SAMD4A: variants seen among roughly 807,000 people sequenced by gnomAD.
The protein encoded by SAMD4A is protein Smaug homolog 1.
Under a neutral mutation model 81.3 loss-of-function variants are expected in SAMD4A, and 33 were observed. The observed-to-expected ratio is 0.41, with a 90% CI of 0.31 to 0.54. The LOEUF is 0.54. SAMD4A is among the 20% of genes least tolerant of loss of function. SAMD4A has a pLI of 0.37. For synonymous variants in SAMD4A, 389 were observed against 382.1 expected (o/e 1.02, Z -0.21); for missense variants, 854 against 951.1 (o/e 0.90, Z 1.34).
chr14:54,588,430 G>C (rs769432134), intron 2 of SAMD4A, among the ~76,000 whole-genome samples: 1 of 151,642 alleles, frequency 6.6e-6, no homozygotes, highest in Non-Finnish European at 1.5e-5. Flanking sequence ...TGCTGGGTTT[G>C]GGTTTGGATT....
At position 54,783,170 on chromosome 14, in the gene SAMD4A, A is replaced by C. The variant is rs200807102; in HGVS notation, c.2045-1367A>C. On this transcript the variant is annotated intron_variant, in intron 11 of 12. Transcript: ENST00000554335. Reference sequence around the variant, plus strand: ...GTCACAAAACTTTAAAAAAAAAAAAAAAAACAAAAAGGATTTCACAACTCT... The same window carrying C: ...GTCACAAAACTTTAAAAAAAAAAAACAAAACAAAAAGGATTTCACAACTCT... 2.4e-4 allele frequency among the ~76,000 whole-genome samples: 37 copies of C among 151,126 alleles called. 1 individual carries two copies. The East Asian group carries it at 5.6e-3, about 23-fold the overall frequency.
At chr14:54,595,381 G>C (rs1222410938) in intron 2 of SAMD4A, among the ~76,000 whole-genome samples, 2 of 149,534 alleles carry the variant, frequency 1.3e-5, no homozygotes, top group African/African-American at 4.9e-5. Context: ...ATGGGTACAG[G>C]GCTGGTGCCA....
rs573545816 is a variant in SAMD4A at position 54,630,303 on chromosome 14, C to T, written c.196+62191C>T. Among the ~76,000 whole-genome samples the T allele has an allele frequency of 1.6e-3, 251 of 152,336 alleles. 2 individuals are homozygous for T. Among genetic ancestry groups the T allele is most frequent in the African/African-American group, 5.8e-3 (242 of 41,576 alleles). On this transcript the variant is annotated intron_variant, in intron 2 of 12. Coordinates refer to ENST00000554335, the MANE Select transcript of SAMD4A (RefSeq NM_015589.6). The stretch of plus-strand genomic sequence containing the variant: ...ATTTTACATTCCCACTAGCAATGCA[C>T]AAGGGTTCCAATTTCTCCATATCCT...
intron 5 of SAMD4A, among the ~76,000 whole-genome samples, chr14:54,750,532 C>T (rs760290818): frequency 1.3e-5 from 2 of 152,224 alleles, no homozygotes; most frequent in Non-Finnish European, 2.9e-5. Flanking sequence ...ACAACTCTTA[C>T]TGTGAATCCT....
chr14:54,776,015 T>TAA (rs10539223), intron 10 of SAMD4A, among the ~76,000 whole-genome samples: 1,194 of 89,810 alleles, frequency 0.013, 24 homozygotes, highest in African/African-American at 0.03. Flanking sequence ...GTAAGAATCT[T>TAA]AAAAAAAAAA....
chr14:54,760,363 C>T lies in SAMD4A; in HGVS notation c.1379C>T (p.Thr460Met), dbSNP rs375889236. Residue 460 changes from threonine (T) to methionine (M), a missense_variant, in exon 7 of 13, where the codon ACG becomes ATG. This residue lies in a region of SAMD4A where 428 missense variants were observed against 471.2 expected (regional missense o/e 0.91). Transcript: ENST00000554335. ...CKDGAAATGATATPSAGASGG... is the reference protein window; with the variant it reads ...CKDGAAATGAMATPSAGASGG... The stretch of plus-strand genomic sequence containing the variant: ...GATGGGGCCGCAGCCACTGGCGCCA[C>T]GGCCACCCCCTCGGCCGGGGCCAGC... The T allele has an allele frequency of 4.6e-5, 73 of 1,573,272 alleles. No individual in the cohort carries two copies. The highest frequency in any genetic ancestry group is 1.9e-4 in the East Asian group (8 of 42,700).
intron 2 of SAMD4A, among the ~76,000 whole-genome samples, chr14:54,643,487 G>C (rs2035219012): frequency 2.0e-5 from 3 of 152,224 alleles, no homozygotes; most frequent in Admixed American, 2.0e-4. Context: ...TGAGCTAGGA[G>C]GTCTCCTAGG....
chr14:54,762,669 G>A (rs565046822), intron 7 of SAMD4A, among the ~76,000 whole-genome samples: 3 of 152,184 alleles, frequency 2.0e-5, no homozygotes, highest in South Asian at 2.1e-4. Context: ...TTTTACCTAC[G>A]TTAAAGGAAG....
At chr14:54,610,863 G>T (rs532575626) in intron 2 of SAMD4A, among the ~76,000 whole-genome samples, 2 of 152,230 alleles carry the variant, frequency 1.3e-5, no homozygotes, top group Non-Finnish European at 2.9e-5. Context: ...GAAGGTTTTG[G>T]TTTTCTCTCT....
chr14:54,651,701 G>A (rs761776649), intron 2 of SAMD4A, among the ~76,000 whole-genome samples: 11 of 152,050 alleles, frequency 7.2e-5, no homozygotes, highest in Non-Finnish European at 1.0e-4. Context: ...TATAAATGTC[G>A]ATGCAATTTC....
At chr14:54,689,271 T>C (rs2036368259) in intron 2 of SAMD4A, among the ~76,000 whole-genome samples, 1 of 152,038 alleles carries the variant, frequency 6.6e-6, no homozygotes, top group Non-Finnish European at 1.5e-5. Flanking sequence ...GGCATGCCCC[T>C]CCTCCATACT....
intron 2 of SAMD4A, among the ~76,000 whole-genome samples, chr14:54,650,624 T>C (rs1295211240): frequency 6.6e-6 from 1 of 152,208 alleles, no homozygotes; most frequent in East Asian, 1.9e-4. Flanking sequence ...TCTTCCCTGC[T>C]GAGAAGCCAA....
chr14:54,655,732 C>G (rs946674622), intron 2 of SAMD4A, among the ~76,000 whole-genome samples: 1 of 152,140 alleles, frequency 6.6e-6, no homozygotes, highest in African/African-American at 2.4e-5. Flanking sequence ...GAGCGAAATT[C>G]AGTCTCAAAA....
At position 54,664,081 on chromosome 14, in the gene SAMD4A, C is replaced by G. The variant is rs1436744636; in HGVS notation, c.197-37981C>G. On this transcript the variant is annotated intron_variant, in intron 2 of 12. Coordinates refer to ENST00000554335, the MANE Select transcript of SAMD4A (RefSeq NM_015589.6). Reference sequence around the variant, plus strand: ...AATTTGCTAAAAAATAAATTGAGGCCAAATTAAATACAAACAAGATAACTC... The same window carrying G: ...AATTTGCTAAAAAATAAATTGAGGCGAAATTAAATACAAACAAGATAACTC... Among the ~76,000 whole-genome samples, 4 of 152,002 alleles carry G rather than the reference C, an allele frequency of 2.6e-5. No homozygotes were observed. The East Asian group carries it at 5.8e-4, about 22-fold the overall frequency.
chr14:54,753,953 T>A (rs1179363559), intron 6 of SAMD4A, among the ~76,000 whole-genome samples: 1 of 152,226 alleles, frequency 6.6e-6, no homozygotes, highest in Non-Finnish European at 1.5e-5. Flanking sequence ...AATTTACTCT[T>A]TCTTTGTTAG....
At chr14:54,659,331 G>A (rs1169755289) in intron 2 of SAMD4A, among the ~76,000 whole-genome samples, 1 of 152,164 alleles carries the variant, frequency 6.6e-6, no homozygotes, top group African/African-American at 2.4e-5. Flanking sequence ...CAGTCTCACA[G>A]TTCCTGAGCA....
chr14:54,568,160 C>G (rs1418102503), intron 2 of SAMD4A, 48 bp downstream of exon 2: 3 of 1,409,890 alleles, frequency 2.1e-6, no homozygotes, highest in Non-Finnish European at 2.8e-6. Context: ...CCAACCCCCG[C>G]TCCTCCCTCC....
intron 2 of SAMD4A, among the ~76,000 whole-genome samples, chr14:54,658,072 A>C (rs2035563108): frequency 6.6e-6 from 1 of 152,182 alleles, no homozygotes; most frequent in Non-Finnish European, 1.5e-5. Flanking sequence ...ACTTTGGGAA[A>C]GTCGAGGCAG....
intron 6 of SAMD4A, among the ~76,000 whole-genome samples, chr14:54,758,628 A>G (rs2038308798): frequency 6.6e-6 from 1 of 152,196 alleles, no homozygotes; most frequent in African/African-American, 2.4e-5. Flanking sequence ...TCAGAAGTTC[A>G]AGACCGGCCT....
Sources: gnomAD v4.1 joint callset for allele counts (sites outside exome capture counted in the v4.1 genomes callset) on GRCh38, gnomAD v4.1.1 for gene constraint, gnomAD v4.1.1 regional missense constraint, MANE v1.5 for transcripts, NCBI Gene and HGNC (gene_info 2026-07-23, HGNC 2026-07-21) for gene names.